RNF111: variants seen among roughly 807,000 people sequenced by gnomAD.
The protein encoded by RNF111 is ring finger protein 111.
In RNF111, 17 loss-of-function variants were observed where a neutral mutation model predicts 95.1. That is an observed-to-expected ratio of 0.18 (90% CI 0.12 to 0.27). The LOEUF (loss-of-function observed/expected upper bound fraction) is 0.27. Ranked by LOEUF, RNF111 falls within the 10% of genes least tolerant of loss-of-function variation. The pLI is 1.00. For synonymous variants in RNF111, 440 were observed against 414.8 expected (o/e 1.06, Z -0.74); for missense variants, 1,189 against 1,210.4 (o/e 0.98, Z 0.26).
At chr15:59,017,054 G>A (rs1232701200) in intron 1 of RNF111, among the ~76,000 whole-genome samples, 9 of 151,734 alleles carry the variant, frequency 5.9e-5, no homozygotes, top group African/African-American at 1.5e-4. Context: ...TCTATATTAC[G>A]GTGAATTGTA....
At chr15:59,004,208 C>T (rs1449984098) in intron 1 of RNF111, 5 of 886,516 alleles carry the variant, frequency 5.6e-6, no homozygotes, top group Non-Finnish European at 7.2e-6. Context: ...CTTCCTTTAA[C>T]AAGCTTCAAT....
chr15:59,026,675 C>A (rs1350136519), intron 1 of RNF111, among the ~76,000 whole-genome samples: 1 of 151,872 alleles, frequency 6.6e-6, no homozygotes, highest in Admixed American at 6.6e-5. Flanking sequence ...GAACTTTCCT[C>A]TTCTAAGTTC....
At chr15:59,007,752 G>T (rs2039607036) in intron 1 of RNF111, among the ~76,000 whole-genome samples, 1 of 152,080 alleles carries the variant, frequency 6.6e-6, no homozygotes, top group African/African-American at 2.4e-5. Flanking sequence ...CATTCCTCTG[G>T]TGACTAAAGA....
In RNF111 at chr15:59,064,616, G is replaced by A. The variant is rs1596250605; in HGVS notation, c.1367-2148G>A. On this transcript the variant is annotated intron_variant, in intron 5 of 13. Transcript: ENST00000348370. ...TACAATATTTAACATAATTCTAGGGGCAGTTAGAGGTTAGTGTCAGTTTGT... is the reference window on the plus strand; with the variant it reads ...TACAATATTTAACATAATTCTAGGGACAGTTAGAGGTTAGTGTCAGTTTGT... 2.0e-5 allele frequency among the ~76,000 whole-genome samples: 3 copies of A among 151,850 alleles called. No homozygotes were observed. In the East Asian group the frequency reaches 5.8e-4, roughly 29 times the overall value.
intron 1 of RNF111, among the ~76,000 whole-genome samples, chr15:59,029,389 G>T (rs1191248963): frequency 2.6e-5 from 4 of 152,094 alleles, no homozygotes; most frequent in African/African-American, 9.7e-5. Flanking sequence ...TGTATTCCTG[G>T]TTTATCACTG....
intron 1 of RNF111, among the ~76,000 whole-genome samples, chr15:58,997,381 G>C (rs1347409642): frequency 3.3e-5 from 5 of 152,234 alleles, no homozygotes; most frequent in Admixed American, 3.3e-4. Flanking sequence ...TAACTGATGT[G>C]AACACCAGTT....
At chr15:59,087,935 G>A (rs2078943836) in intron 10 of RNF111, among the ~76,000 whole-genome samples, 1 of 152,166 alleles carries the variant, frequency 6.6e-6, no homozygotes, top group South Asian at 2.1e-4. Context: ...GGTGAGTGAT[G>A]TAGATGGGGC....
At chr15:59,087,702 T>G (rs112016720) in intron 10 of RNF111, among the ~76,000 whole-genome samples, 3 of 151,926 alleles carry the variant, frequency 2.0e-5, no homozygotes, top group African/African-American at 7.2e-5. Context: ...AGCTGAAGAG[T>G]AGGAAAAGGA....
intron 1 of RNF111, among the ~76,000 whole-genome samples, chr15:59,028,448 TAAC>T (rs1221810978): frequency 4.6e-5 from 7 of 152,108 alleles, no homozygotes; most frequent in Admixed American, 4.6e-4. Context: ...AATAAGAGAC[TAAC>T]AACAACAATA....
intron 5 of RNF111, among the ~76,000 whole-genome samples, chr15:59,059,183 A>T (rs953161406): frequency 1.3e-5 from 2 of 152,192 alleles, no homozygotes; most frequent in African/African-American, 4.8e-5. Flanking sequence ...AAGACAACCC[A>T]ATTTTAAAAT....
At chr15:59,057,993 C>G (rs1248214443) in intron 4 of RNF111, among the ~76,000 whole-genome samples, 1 of 152,222 alleles carries the variant, frequency 6.6e-6, no homozygotes, top group Non-Finnish European at 1.5e-5. Flanking sequence ...TAACACTGTT[C>G]TGGCAGCTCG....
At chr15:59,026,982 A>C (rs2040644263) in intron 1 of RNF111, among the ~76,000 whole-genome samples, 1 of 152,174 alleles carries the variant, frequency 6.6e-6, no homozygotes, top group Non-Finnish European at 1.5e-5. Context: ...GAGCAGATTT[A>C]ACCATAAAGA....
chr15:59,029,256 G>C (rs963982532), intron 1 of RNF111, among the ~76,000 whole-genome samples: 5 of 151,934 alleles, frequency 3.3e-5, no homozygotes. Context: ...TCAACTCTTA[G>C]ATCACATGTA....
chr15:59,016,294 C>T (rs1436406789), intron 1 of RNF111, among the ~76,000 whole-genome samples: 9 of 151,572 alleles, frequency 5.9e-5, no homozygotes, highest in South Asian at 4.2e-4. Context: ...CTCAGCCACT[C>T]GAGTAGCTGG....
chr15:59,005,561 TG>T (rs1408855678), intron 1 of RNF111, among the ~76,000 whole-genome samples: 2 of 152,216 alleles, frequency 1.3e-5, no homozygotes, highest in Non-Finnish European at 2.9e-5. Context: ...ACCTTTGCTT[TG>T]GCCTTTAACA....
At chr15:59,028,392 A>G (rs979113617) in intron 1 of RNF111, among the ~76,000 whole-genome samples, 3 of 151,550 alleles carry the variant, frequency 2.0e-5, no homozygotes, top group African/African-American at 7.3e-5. Flanking sequence ...TTTTTTTTTC[A>G]TATACCTACA....
At chr15:59,069,851 A>G (rs1447582898) in intron 6 of RNF111, among the ~76,000 whole-genome samples, 3 of 152,110 alleles carry the variant, frequency 2.0e-5, no homozygotes, top group East Asian at 3.9e-4. Context: ...GTGATTTTGT[A>G]GATATCTTAT....
intron 1 of RNF111, among the ~76,000 whole-genome samples, chr15:59,025,690 A>T (rs1401514744): frequency 6.6e-6 from 1 of 151,982 alleles, no homozygotes; most frequent in East Asian, 1.9e-4. Flanking sequence ...ATAATCTCTA[A>T]AACTTTTGTA....
At chr15:58,995,716 A>C (rs2039038613) in intron 1 of RNF111, among the ~76,000 whole-genome samples, 1 of 149,038 alleles carries the variant, frequency 6.7e-6, no homozygotes, top group Non-Finnish European at 1.5e-5. Context: ...CACCTGCCTC[A>C]GCCTCCCAAA....
Sources: allele counts gnomAD v4.1 joint callset (sites outside exome capture counted in the v4.1 genomes callset), GRCh38; gene constraint gnomAD v4.1.1; transcripts MANE v1.5; gene names NCBI Gene and HGNC (gene_info 2026-07-23, HGNC 2026-07-21).